LRRFIP1: variants seen among roughly 807,000 people sequenced by gnomAD.
LRRFIP1 encodes the protein LRR binding FLII interacting protein 1.
LRRFIP1 carries 62 observed loss-of-function variants against 104.4 expected under a neutral mutation model. That is an observed-to-expected ratio of 0.59 (90% CI 0.48 to 0.73). LRRFIP1 has a LOEUF of 0.73. LRRFIP1 is among the 30% of genes least tolerant of loss of function. The pLI is 0.00. For missense variants in LRRFIP1, 796 were observed against 824.5 expected, an observed-to-expected ratio of 0.97 and a Z score of 0.42; for synonymous variants, 300 against 299.0, an observed-to-expected ratio of 1.00 and a Z score of -0.03.
intron 8 of LRRFIP1, among the ~76,000 whole-genome samples, chr2:237,732,818 C>T (rs1454184325): frequency 1.3e-5 from 2 of 152,142 alleles, no homozygotes; most frequent in Non-Finnish European, 2.9e-5. Flanking sequence ...TGTGCCTAAT[C>T]TGCCTCCTTG....
At chr2:237,750,905 G>C (rs972585600) in intron 13 of LRRFIP1, among the ~76,000 whole-genome samples, 1 of 152,124 alleles carries the variant, frequency 6.6e-6, no homozygotes, top group Admixed American at 6.5e-5. Context: ...TTACTAAATA[G>C]GAGTTGAAAT....
chr2:237,749,918 A>G (rs2058372105), intron 13 of LRRFIP1, among the ~76,000 whole-genome samples: 2 of 152,192 alleles, frequency 1.3e-5, no homozygotes, highest in African/African-American at 4.8e-5. Context: ...ACACGGTGCT[A>G]TTTGTTAAAG....
At chr2:237,671,150 G>T (rs1204026500) in intron 1 of LRRFIP1, among the ~76,000 whole-genome samples, 1 of 152,210 alleles carries the variant, frequency 6.6e-6, no homozygotes, top group Non-Finnish European at 1.5e-5. Context: ...GACCATTACC[G>T]TTGATGATCC....
chr2:237,739,387 T>C (rs2095347568), intron 11 of LRRFIP1, 78 bp downstream of exon 11: 22 of 1,255,010 alleles, frequency 1.8e-5, no homozygotes, highest in Non-Finnish European at 2.4e-5. Context: ...TTCCAACGTC[T>C]CCAAATTTAG....
rs1172576547 is a variant in LRRFIP1, at chr2:237,681,678, CT to C, written c.97-26847del. Among the ~76,000 whole-genome samples, 53 of 44,898 alleles carry C rather than the reference CT, an allele frequency of 1.2e-3. 4 individuals carry two copies. Among genetic ancestry groups the C allele is most frequent in the East Asian group, 4.0e-3 (4 of 990 alleles). 29.5% of individuals were successfully genotyped at this position (44,898 alleles called of 152,430 possible). A position where few individuals can be genotyped will look rare whatever the true frequency, so the allele number is the denominator to read the frequency against. The stretch of plus-strand genomic sequence containing the variant: ...CACCGTGCCCGGCCGCAGTCCTATT[CT>C]TTTTTTTTTTTTTTTTTTGAGACGG... On this transcript the variant is annotated intron_variant, in intron 1 of 23. Coordinates refer to ENST00000308482, the MANE Select transcript of LRRFIP1 (RefSeq NM_001137550.2).
chr2:237,774,806 C>A (rs983366929), intron 23 of LRRFIP1, among the ~76,000 whole-genome samples: 1 of 152,222 alleles, frequency 6.6e-6, no homozygotes, highest in Admixed American at 6.5e-5. Context: ...AGGTGGAGGA[C>A]CAGGAGCCCA....
At chr2:237,729,406 T>G (rs942021626) in intron 8 of LRRFIP1, among the ~76,000 whole-genome samples, 1 of 152,136 alleles carries the variant, frequency 6.6e-6, no homozygotes, top group African/African-American at 2.4e-5. Context: ...GAAGAAAGAT[T>G]GAAAATTTTG....
intron 15 of LRRFIP1, among the ~76,000 whole-genome samples, chr2:237,755,014 C>T (rs537914983): frequency 2.6e-5 from 4 of 152,196 alleles, no homozygotes; most frequent in South Asian, 2.1e-4. Flanking sequence ...AGGAAGTGGG[C>T]GAACAGAAGT....
intron 20 of LRRFIP1, among the ~76,000 whole-genome samples, chr2:237,770,955 G>C (rs1014997659): frequency 6.2e-5 from 9 of 145,992 alleles, no homozygotes; most frequent in Middle Eastern, 3.2e-3. Flanking sequence ...CCGAAAATTG[G>C]AGAAAGCACT....
In LRRFIP1 at chr2:237,670,840, C is replaced by T. The variant is rs560850152; in HGVS notation, c.97-37704C>T. On this transcript the variant is annotated intron_variant, in intron 1 of 23. Coordinates refer to ENST00000308482, the MANE Select transcript of LRRFIP1 (RefSeq NM_001137550.2). ...GTGGGGCCGTTACGAGAAGCAAGCA[C>T]ATGGAAGCGTGCCAGGCATTTTCCG... Among the ~76,000 whole-genome samples the T allele has an allele frequency of 1.2e-4, 19 of 152,336 alleles. No individual in the cohort carries two copies. In the South Asian group the frequency reaches 2.9e-3, roughly 23 times the overall value.
chr2:237,709,566 T>C (rs1487549608), intron 2 of LRRFIP1, among the ~76,000 whole-genome samples: 1 of 152,212 alleles, frequency 6.6e-6, no homozygotes. Context: ...AATCTGAATT[T>C]CCAGATTCTC....
chr2:237,724,196 G>T (rs752385529), intron 7 of LRRFIP1, among the ~76,000 whole-genome samples: 6 of 152,048 alleles, frequency 3.9e-5, no homozygotes, highest in Admixed American at 6.5e-5. Flanking sequence ...AAGTCTGTCA[G>T]TGTTATACTT....
In LRRFIP1 at chr2:237,735,921, G is replaced by C. The variant is rs1265134014; in HGVS notation, c.555+588G>C. Among the ~76,000 whole-genome samples the C allele has an allele frequency of 6.6e-6, 1 of 152,232 alleles. No homozygotes were observed. The highest frequency in any genetic ancestry group is 1.5e-5 in the Non-Finnish European group (1 of 68,046). ...TGGGGAGACGAATTTGCGTGTCCCA[G>C]GGACCTGTGGAAACGGAGCGTTCAG... On this transcript the variant is annotated intron_variant, in intron 10 of 23. Transcript: ENST00000308482. The surrounding 1 kb of genome is among the most constrained non-coding windows in gnomAD (Gnocchi z 4.6).
intron 11 of LRRFIP1, among the ~76,000 whole-genome samples, chr2:237,746,831 T>C (rs1319567723): frequency 6.6e-6 from 1 of 152,096 alleles, no homozygotes; most frequent in Non-Finnish European, 1.5e-5. Context: ...GGGCCTCAGG[T>C]GGGTCCTTAG....
At chr2:237,763,777 C>G in intron 19 of LRRFIP1, 1 of 1,614,172 alleles carries the variant, frequency 6.2e-7, no homozygotes, top group Non-Finnish European at 8.5e-7. Context: ...AATCATCAGG[C>G]CCGAGGGCTG....
At chr2:237,763,078 A>G in intron 19 of LRRFIP1, 2 of 1,614,234 alleles carry the variant, frequency 1.2e-6, no homozygotes, top group Non-Finnish European at 1.7e-6. Context: ...ATGATGACAA[A>G]TGTATGGTAG....
At chr2:237,676,351 C>A (rs2091159850) in intron 1 of LRRFIP1, among the ~76,000 whole-genome samples, 1 of 152,168 alleles carries the variant, frequency 6.6e-6, no homozygotes, top group Non-Finnish European at 1.5e-5. Context: ...AAAAATTAGA[C>A]CAGAAACTGT....
At chr2:237,672,091 T>G (rs1209683912) in intron 1 of LRRFIP1, among the ~76,000 whole-genome samples, 3 of 152,154 alleles carry the variant, frequency 2.0e-5, no homozygotes, top group Admixed American at 6.5e-5. Context: ...AGCAGACAAT[T>G]ACTTAGGCAG....
intron 23 of LRRFIP1, among the ~76,000 whole-genome samples, chr2:237,777,747 AT>A (rs2061211487): frequency 2.0e-5 from 3 of 152,186 alleles, no homozygotes; most frequent in Non-Finnish European, 4.4e-5. Context: ...TTTGGAAAAT[AT>A]TCAACCATTA....
Sources: gnomAD v4.1 joint callset for allele counts (sites outside exome capture counted in the v4.1 genomes callset) on GRCh38, gnomAD v4.1.1 for gene constraint, Gnocchi (gnomAD v3.1) non-coding constraint, MANE v1.5 for transcripts, NCBI Gene and HGNC (gene_info 2026-07-23, HGNC 2026-07-21) for gene names.